The following DNAH3 variants were observed in gnomAD, a reference collection of about 807,000 sequenced individuals.
DNAH3 encodes dynein axonemal heavy chain 3, also known as axonemal beta dynein heavy chain 3.
DNAH3 carries 332 observed loss-of-function variants against 432.5 expected under a neutral mutation model. The ratio of observed to expected loss-of-function variants is 0.77; its 90% CI spans 0.70 to 0.84. The LOEUF (loss-of-function observed/expected upper bound fraction) is 0.84. DNAH3 is among the 40% of genes least tolerant of loss of function. DNAH3 has a pLI of 0.00. For missense variants in DNAH3, 4,861 were observed against 5,114.0 expected (o/e 0.95, Z 1.51); for synonymous variants, 1,956 against 1,900.2 (o/e 1.03, Z -0.76).
At chr16:20,933,661 T>G (rs2083489874) in intron 61 of DNAH3, among the ~76,000 whole-genome samples, 154 bp from the exon 62 acceptor site, 1 of 152,206 alleles carries the variant, frequency 6.6e-6, no homozygotes, top group African/African-American at 2.4e-5. Flanking sequence ...GTGATAATAT[T>G]CCTGCCCACC....
intron 7 of DNAH3, among the ~76,000 whole-genome samples, chr16:21,130,545 T>A (rs2092538207): frequency 6.6e-6 from 1 of 152,140 alleles, no homozygotes; most frequent in South Asian, 2.1e-4. Flanking sequence ...CCTCAGGTGA[T>A]CCACCCACCT....
At chr16:21,117,076 T>G in intron 12 of DNAH3, 127 bp downstream of exon 12, 1 of 630,096 alleles carries the variant, frequency 1.6e-6, no homozygotes, top group Non-Finnish European at 2.8e-6. Flanking sequence ...CTCATGTAAG[T>G]ATTGGCTATT....
At chr16:20,982,822 G>A (rs1180843357) in exon 49 of DNAH3, 1 of 1,614,066 alleles carries the variant, frequency 6.2e-7, no homozygotes, top group Admixed American at 1.7e-5. Context: ...CAATCGTACA[G>A]CAATTGATCA....
chr16:20,998,445 G>A lies in DNAH3; in HGVS notation c.6422-983C>T, dbSNP rs375348595. ...TTTTTGTATTTTTAGTAGAGACGGG[G>A]TTTCACCATGTTGGCCTGGCTGGTC... is the stretch of plus-strand genomic sequence containing the variant. On this transcript the variant is annotated intron_variant, in intron 43 of 61. Transcript: ENST00000261383. 3.8e-4 allele frequency among the ~76,000 whole-genome samples: 58 copies of A among 152,060 alleles called. 2 individuals carry two copies. The highest frequency in any genetic ancestry group is 3.3e-3 in the East Asian group (17 of 5,176).
chr16:21,008,619 C>A (rs1053680799), intron 41 of DNAH3, among the ~76,000 whole-genome samples: 9 of 152,176 alleles, frequency 5.9e-5, no homozygotes, highest in Non-Finnish European at 1.0e-4. Context: ...CACACAGGGG[C>A]TTCCATGATG....
At chr16:21,023,903 G>A (rs757878664) in intron 39 of DNAH3, among the ~76,000 whole-genome samples, 13 of 151,872 alleles carry the variant, frequency 8.6e-5, no homozygotes, top group Admixed American at 2.6e-4. Context: ...ACATTCAGCC[G>A]TCCTACATAA....
chr16:20,978,144 T>C (rs929530590), intron 50 of DNAH3, among the ~76,000 whole-genome samples: 2 of 152,238 alleles, frequency 1.3e-5, no homozygotes, highest in Non-Finnish European at 2.9e-5. Context: ...GCCAGGCATT[T>C]TGCTAAAGGC....
At chr16:20,958,921 C>T (rs1392035553) in intron 54 of DNAH3, among the ~76,000 whole-genome samples, 1 of 152,156 alleles carries the variant, frequency 6.6e-6, no homozygotes, top group African/African-American at 2.4e-5. Context: ...GTGTGCGCCA[C>T]TATGCCTGGC....
At chr16:21,074,591 G>A (rs1032250141) in intron 21 of DNAH3, among the ~76,000 whole-genome samples, 1 of 152,084 alleles carries the variant, frequency 6.6e-6, no homozygotes, top group Non-Finnish European at 1.5e-5. Flanking sequence ...GCGGGCACCT[G>A]TAATCCCAGC....
intron 54 of DNAH3, among the ~76,000 whole-genome samples, chr16:20,957,435 T>C (rs1185533139): frequency 1.3e-5 from 2 of 152,156 alleles, no homozygotes; most frequent in East Asian, 3.8e-4. Flanking sequence ...ACTGTTTAGT[T>C]AGCTTGCAAG....
Position 20,982,891 on chromosome 16 carries a change from T to C in DNAH3, c.7689A>G (p.Ser2563=), listed in dbSNP as rs760305026. ...CATCCCCTATTGGACTCATGGCTAATGAAAAGGAGATTTTGTTAATTACCT... is the reference window on the plus strand; with the variant it reads ...CATCCCCTATTGGACTCATGGCTAACGAAAAGGAGATTTTGTTAATTACCT... The change falls in exon 49 of 62, where the codon TCA becomes TCG. Residue 2563 remains serine (S), a synonymous_variant. Transcript: ENST00000261383. The C allele has an allele frequency of 8.1e-6, 13 of 1,613,574 alleles. No homozygotes were observed. Among genetic ancestry groups the C allele is most frequent in the Middle Eastern group, 1.6e-4 (1 of 6,080 alleles).
chr16:21,078,320 A>G (rs1350922673), intron 20 of DNAH3, among the ~76,000 whole-genome samples: 4 of 151,238 alleles, frequency 2.6e-5, no homozygotes, highest in African/African-American at 9.7e-5. Flanking sequence ...AGAACTGTTC[A>G]TATGTGTTCA....
At chr16:21,111,626 C>G in exon 14 of DNAH3, 3 of 1,609,048 alleles carry the variant, frequency 1.9e-6, no homozygotes, top group South Asian at 2.2e-5. Context: ...ATTACAATAC[C>G]TGGTATTGGT....
intron 11 of DNAH3, 32 bp from the exon 12 acceptor site, chr16:21,117,371 A>G (rs1264577947): frequency 2.5e-6 from 3 of 1,212,034 alleles, no homozygotes; most frequent in South Asian, 2.5e-5. Context: ...TGCATGTTGC[A>G]AGACTTAAGA....
At chr16:21,103,545 C>T (rs934003800) in intron 16 of DNAH3, among the ~76,000 whole-genome samples, 1 of 152,170 alleles carries the variant, frequency 6.6e-6, no homozygotes, top group Admixed American at 6.5e-5. Flanking sequence ...AAAATACACA[C>T]ACACTCACAA....
exon 41 of DNAH3, chr16:21,019,777 A>G: frequency 1.9e-6 from 3 of 1,614,148 alleles, no homozygotes; most frequent in Non-Finnish European, 2.5e-6. Context: ...ACCAAGGAAA[A>G]GAGAAACAGT....
At chr16:21,147,491 C>G (rs758072837) in intron 1 of DNAH3, among the ~76,000 whole-genome samples, 1 of 152,190 alleles carries the variant, frequency 6.6e-6, no homozygotes, top group Non-Finnish European at 1.5e-5. Flanking sequence ...GCTCGGATTA[C>G]AGGCATAAGC....
intron 42 of DNAH3, among the ~76,000 whole-genome samples, chr16:21,001,115 CT>C: frequency 1.3e-5 from 2 of 152,340 alleles, no homozygotes; most frequent in Admixed American, 1.3e-4. Flanking sequence ...ATTCTTGGTT[CT>C]AAGACCCACC....
At position 21,091,153 on chromosome 16, in the gene DNAH3, A is replaced by AAAT. The variant is rs565242988; in HGVS notation, c.2666-4096_2666-4094dup. On this transcript the variant is annotated intron_variant, in intron 18 of 61. Transcript: ENST00000261383. ...AGGTGGCAGAGCGAGACCCCATCTCAAATAATAATAATAATAATGTCTTGT... is the reference window on the plus strand; with the variant it reads ...AGGTGGCAGAGCGAGACCCCATCTCAAATAATAATAATAATAATAATGTCTTGT... Among the ~76,000 whole-genome samples the AAAT allele has an allele frequency of 2.6e-3, 391 of 152,008 alleles. 2 individuals carry two copies. The highest frequency in any genetic ancestry group is 4.0e-3 in the Non-Finnish European group (271 of 67,954).
Sources: gnomAD v4.1 joint callset for allele counts (sites outside exome capture counted in the v4.1 genomes callset) on GRCh38, gnomAD v4.1.1 for gene constraint, MANE v1.5 for transcripts, NCBI Gene and HGNC (gene_info 2026-07-23, HGNC 2026-07-21) for gene names.